Variants in CADM2 observed in about 807,000 individuals in gnomAD.
The protein encoded by CADM2 is cell adhesion molecule 2.
A neutral mutation model predicts 49.8 loss-of-function variants in CADM2; 12 were observed. The ratio of observed to expected loss-of-function variants is 0.24; its 90% confidence interval spans 0.15 to 0.39. CADM2 has a LOEUF of 0.39. Among genes scored for constraint, CADM2 ranks in the 10% least tolerant of loss-of-function variants. The probability of loss-of-function intolerance (pLI) is 1.00; values close to 1 mark genes in which losing one functional copy is unlikely to be tolerated. For missense variants in CADM2, 378 were observed against 492.3 expected (o/e 0.77, Z 2.20); for synonymous variants, 214 against 175.4 (o/e 1.22, Z -1.74).
chr3:85,430,614 G>A (rs1197971169), intron 1 of CADM2, among the ~76,000 whole-genome samples: 1 of 150,602 alleles, frequency 6.6e-6, no homozygotes, highest in African/African-American at 2.4e-5. Context: ...AAAGGGGGCG[G>A]TGGGGGGGAG....
chr3:85,147,275 C>CA (rs759888985), intron 1 of CADM2, among the ~76,000 whole-genome samples: 1,273 of 45,964 alleles, frequency 0.028, 195 homozygotes, highest in African/African-American at 0.031. Flanking sequence ...GACTCTGTCT[C>CA]AAAAAAAAAA....
intron 1 of CADM2, among the ~76,000 whole-genome samples, chr3:85,104,626 T>C (rs1386886218): frequency 1.3e-5 from 2 of 152,174 alleles, no homozygotes; most frequent in Non-Finnish European, 2.9e-5. Flanking sequence ...GGTAGCTTGA[T>C]AGGAATGGCA....
intron 1 of CADM2, among the ~76,000 whole-genome samples, chr3:85,026,599 T>TA (rs1267148506): frequency 2.0e-5 from 3 of 152,138 alleles, no homozygotes; most frequent in Admixed American, 1.3e-4. Context: ...TTTAGTATAG[T>TA]AAATTGAATT....
At chr3:85,308,393 G>A (rs2044267319) in intron 1 of CADM2, among the ~76,000 whole-genome samples, 1 of 150,860 alleles carries the variant, frequency 6.6e-6, no homozygotes, top group African/African-American at 2.4e-5. Context: ...TCAGTATGCT[G>A]ATATTCTCTT....
chr3:86,052,322 G>A lies in CADM2; in HGVS notation c.971-13283G>A, dbSNP rs1219118620. Among the ~76,000 whole-genome samples the A allele has an allele frequency of 3.3e-5, 5 of 151,990 alleles. No homozygotes were observed. The East Asian group carries it at 9.6e-4, about 29-fold the overall frequency. On this transcript the variant is annotated intron_variant, in intron 8 of 9. Transcript: ENST00000383699. ...AATTCTGGGACATTCTTAGGTATTA[G>A]GTACGGCTTTGAAAAGTTTTAAAAT...
At chr3:84,972,658 A>T (rs1421287320) in intron 1 of CADM2, among the ~76,000 whole-genome samples, 1 of 152,176 alleles carries the variant, frequency 6.6e-6, no homozygotes, top group East Asian at 1.9e-4. Flanking sequence ...TGTGCATTTC[A>T]TGTACATTAA....
chr3:85,163,833 T>G (rs995603926), intron 1 of CADM2, among the ~76,000 whole-genome samples: 1 of 152,092 alleles, frequency 6.6e-6, no homozygotes, highest in African/African-American at 2.4e-5. Context: ...GTTTTTAGCA[T>G]GTTCAGAGTT....
intron 1 of CADM2, among the ~76,000 whole-genome samples, chr3:85,357,951 G>A (rs1372061399): frequency 6.6e-6 from 1 of 152,066 alleles, no homozygotes; most frequent in Non-Finnish European, 1.5e-5. Flanking sequence ...GCCGTAGGTG[G>A]ACTCAGACAT....
chr3:85,557,532 A>C (rs1559908540), intron 1 of CADM2, among the ~76,000 whole-genome samples: 1 of 151,664 alleles, frequency 6.6e-6, no homozygotes, highest in Admixed American at 6.6e-5. Flanking sequence ...GTAAAGTAAA[A>C]TTTATTTAAT....
At chr3:85,995,472 G>A (rs959791606) in intron 8 of CADM2, among the ~76,000 whole-genome samples, 2 of 152,000 alleles carry the variant, frequency 1.3e-5, no homozygotes, top group African/African-American at 4.8e-5. Context: ...TAATACCCCT[G>A]AATAATTTTA....
chr3:85,718,791 A>T (rs2067390268), intron 1 of CADM2, among the ~76,000 whole-genome samples: 1 of 151,440 alleles, frequency 6.6e-6, no homozygotes, highest in Admixed American at 6.6e-5. Context: ...ATCTCAAAAT[A>T]CACACAAAAA....
rs554332380 is a variant in CADM2, at chr3:85,614,518, G to A, written c.62-112004G>A. On this transcript the variant is annotated intron_variant, in intron 1 of 9. Coordinates refer to ENST00000383699, the MANE Select transcript of CADM2 (RefSeq NM_001167675.2). Reference sequence around the variant, plus strand: ...AATCCAAGTTGGTCGGCCAAATAACGAAGCTTAAGATAAAATAATATTGTT... The same window carrying A: ...AATCCAAGTTGGTCGGCCAAATAACAAAGCTTAAGATAAAATAATATTGTT... Among the ~76,000 whole-genome samples, 12 of 151,850 alleles carry A rather than the reference G, an allele frequency of 7.9e-5. No individual in the cohort carries two copies. The East Asian group carries it at 1.9e-3, about 24-fold the overall frequency.
chr3:85,805,831 A>C (rs1483042152), intron 3 of CADM2, among the ~76,000 whole-genome samples: 1 of 152,118 alleles, frequency 6.6e-6, no homozygotes, highest in Non-Finnish European at 1.5e-5. Context: ...AAAGGGAAGG[A>C]ATGGGTTGTC....
At chr3:85,554,722 T>G (rs62250463) in intron 1 of CADM2, among the ~76,000 whole-genome samples, 77,795 of 151,820 alleles carry the variant, frequency 0.51, 23,009 homozygotes, top group East Asian at 0.85. Context: ...TTGTGACAAA[T>G]TCTTGCTGTG....
intron 3 of CADM2, among the ~76,000 whole-genome samples, chr3:85,840,393 A>G (rs568309648): frequency 5.4e-4 from 82 of 152,062 alleles, no homozygotes; most frequent in African/African-American, 1.9e-3. Context: ...TAAGACTTAC[A>G]ATACTAAATT....
At chr3:86,062,931 GGCTGA>G (rs1553732178) in intron 8 of CADM2, among the ~76,000 whole-genome samples, 1 of 151,428 alleles carries the variant, frequency 6.6e-6, no homozygotes, top group Non-Finnish European at 1.5e-5. Context: ...TATTTTTATC[GGCTGA>G]GCCTTCATTT....
intron 1 of CADM2, among the ~76,000 whole-genome samples, chr3:85,162,477 A>C (rs1233676806): frequency 2.0e-5 from 3 of 152,072 alleles, no homozygotes; most frequent in Non-Finnish European, 4.4e-5. Context: ...TTTTAATATA[A>C]AAATTCTGGA....
chr3:85,033,110 G>C (rs1465804494), intron 1 of CADM2, among the ~76,000 whole-genome samples: 1 of 152,074 alleles, frequency 6.6e-6, no homozygotes, highest in Admixed American at 6.5e-5. Flanking sequence ...CAAATCAAAA[G>C]CTATGTCTCC....
chr3:85,327,159 A>C (rs1175738468), intron 1 of CADM2, among the ~76,000 whole-genome samples: 1 of 152,072 alleles, frequency 6.6e-6, no homozygotes, highest in Non-Finnish European at 1.5e-5. Context: ...TACAATTCTA[A>C]GATCTAAGGC....
Sources: gnomAD v4.1 joint callset for allele counts (sites outside exome capture counted in the v4.1 genomes callset) on GRCh38, gnomAD v4.1.1 for gene constraint, MANE v1.5 for transcripts, NCBI Gene and HGNC (gene_info 2026-07-23, HGNC 2026-07-21) for gene names.